Variants in ATP2C2 observed in about 807,000 individuals in gnomAD.
ATP2C2 encodes the protein ATPase secretory pathway Ca2+ transporting 2.
Under a neutral mutation model 110.8 loss-of-function variants are expected in ATP2C2, and 171 were observed. The observed-to-expected ratio is 1.54, with a 90% CI of 1.36 to 1.75. ATP2C2 has a LOEUF of 1.75. ATP2C2 is among the 40% of genes most tolerant of loss of function. The pLI, the probability that ATP2C2 is intolerant of heterozygous loss-of-function variation, is 0.00. For synonymous variants in ATP2C2, 804 were observed against 508.4 expected (o/e 1.58, Z -7.82); for missense variants, 1,963 against 1,235.0 (o/e 1.59, Z -8.84).
At chr16:84,406,144 C>G (rs1254427875) in intron 3 of ATP2C2, among the ~76,000 whole-genome samples, 1 of 152,218 alleles carries the variant, frequency 6.6e-6, no homozygotes, top group East Asian at 1.9e-4. Context: ...CACCCAGAGC[C>G]CCTTCCCTTG....
chr16:84,370,952 G>C (rs532049261), intron 1 of ATP2C2, among the ~76,000 whole-genome samples: 1 of 152,290 alleles, frequency 6.6e-6, no homozygotes, highest in African/African-American at 2.4e-5. Flanking sequence ...CTCCTAGTGG[G>C]GCCACGTTTG....
chr16:84,400,370 A>G (rs9927653), intron 2 of ATP2C2, among the ~76,000 whole-genome samples: 61,062 of 147,250 alleles, frequency 0.41, 12,837 homozygotes, highest in East Asian at 0.48. Context: ...TCTGTCACCC[A>G]AGCTGGAGTG....
At chr16:84,378,536 T>G (rs970765573) in intron 1 of ATP2C2, among the ~76,000 whole-genome samples, 1 of 152,140 alleles carries the variant, frequency 6.6e-6, no homozygotes, top group Non-Finnish European at 1.5e-5. Flanking sequence ...CCTCCCTCAG[T>G]GAATGTTAGT....
chr16:84,411,024 G>T, intron 6 of ATP2C2: 2 of 536,434 alleles, frequency 3.7e-6, no homozygotes, highest in Non-Finnish European at 6.7e-6. Flanking sequence ...ACAGGTAGCA[G>T]GAGTGACTCT....
At chr16:84,398,646 A>G (rs1433267212) in intron 2 of ATP2C2, 37 bp downstream of exon 2, 5 of 1,519,190 alleles carry the variant, frequency 3.3e-6, no homozygotes, top group Non-Finnish European at 3.6e-6. Flanking sequence ...TAATTGTGAT[A>G]AGGTTTTATG....
At chr16:84,428,999 A>G (rs74038224) in intron 11 of ATP2C2, among the ~76,000 whole-genome samples, 56,400 of 151,660 alleles carry the variant, frequency 0.37, 10,583 homozygotes, top group South Asian at 0.4. Flanking sequence ...GGTTTGTTTT[A>G]CTAATGGCCC....
chr16:84,407,205 C>T (rs1259087643), intron 3 of ATP2C2: 1 of 152,216 alleles, frequency 6.6e-6, no homozygotes, highest in African/African-American at 2.4e-5. Context: ...AACTCATCAC[C>T]TCACAAGGCA....
chr16:84,420,605 C>T (rs1199453617), intron 7 of ATP2C2, among the ~76,000 whole-genome samples: 1 of 151,950 alleles, frequency 6.6e-6, no homozygotes, highest in Non-Finnish European at 1.5e-5. Context: ...TACTTGGGTA[C>T]ATCGGTCACA....
chr16:84,443,470 A>T (rs1227369158), intron 15 of ATP2C2, among the ~76,000 whole-genome samples: 1 of 152,172 alleles, frequency 6.6e-6, no homozygotes, highest in East Asian at 1.9e-4. Flanking sequence ...AGCCCGACTC[A>T]GGGTGCTCAT....
chr16:84,435,888 G>C (rs1908694870), intron 11 of ATP2C2, among the ~76,000 whole-genome samples: 1 of 152,038 alleles, frequency 6.6e-6, no homozygotes, highest in South Asian at 2.1e-4. Context: ...CACCACTTTG[G>C]GAGGCCGAGG....
chr16:84,374,945 A>G (rs970969778), intron 1 of ATP2C2, among the ~76,000 whole-genome samples: 2 of 152,206 alleles, frequency 1.3e-5, no homozygotes, highest in Non-Finnish European at 2.9e-5. Context: ...AATCATATAG[A>G]GTATTTAGAT....
chr16:84,397,786 G>C (rs1021575088), intron 1 of ATP2C2, among the ~76,000 whole-genome samples: 1 of 151,548 alleles, frequency 6.6e-6, no homozygotes, highest in African/African-American at 2.4e-5. Flanking sequence ...GGAATACTAA[G>C]CTGCTGTGAA....
At chr16:84,463,552 T>C in intron 26 of ATP2C2, 62 bp from the exon 27 acceptor site, 1 of 1,447,564 alleles carries the variant, frequency 6.9e-7, no homozygotes, top group African/African-American at 1.4e-5. Flanking sequence ...GGGAAGGCGC[T>C]TCCTGCCGGC....
At chr16:84,399,156 G>A (rs943010419) in intron 2 of ATP2C2, among the ~76,000 whole-genome samples, 14 of 152,318 alleles carry the variant, frequency 9.2e-5, no homozygotes, top group African/African-American at 3.4e-4. Context: ...GTGTGCACAC[G>A]TGCGTGCACG....
Position 84,451,996 on chromosome 16 carries a change from G to A in ATP2C2, c.1736G>A (p.Arg579Lys), listed in dbSNP as rs1443510994. 1 of 1,614,046 alleles carries A rather than the reference G, an allele frequency of 6.2e-7. No homozygotes were observed. ...CTTGTGGGCATCATTGACCCCCCGA[G>A]AGTTGGCGTGAAGGAAGCAGTCCAG... is the stretch of plus-strand genomic sequence containing the variant. ...LGLVGIIDPP[R>K]VGVKEAVQVL... The change falls in exon 18 of 27, where the codon AGA becomes AAA. Residue 579 changes from arginine (R) to lysine (K), a missense_variant. Physicochemically the swap from Arg to Lys is conservative, Grantham distance 26. Coordinates refer to ENST00000262429, the MANE Select transcript of ATP2C2 (RefSeq NM_014861.4).
At chr16:84,412,510 G>A (rs1597789929) in intron 6 of ATP2C2, among the ~76,000 whole-genome samples, 2 of 65,430 alleles carry the variant, frequency 3.1e-5, no homozygotes, top group Non-Finnish European at 6.3e-5. Context: ...ATATGTGTCT[G>A]TGTGTGTCTG....
Position 84,453,218 on chromosome 16 carries a change from G to A in ATP2C2, c.1912G>A (p.Ala638Thr), listed in dbSNP as rs748590965. 2 of 1,613,884 alleles carry A rather than the reference G, an allele frequency of 1.2e-6. No individual in the cohort carries two copies. Among genetic ancestry groups the A allele is most frequent in the East Asian group, 4.5e-5 (2 of 44,882 alleles). Residue 638 changes from alanine to threonine, a missense_variant, in exon 19 of 27, where the codon GCC (alanine) becomes ACC (threonine). Physicochemically the swap from Ala to Thr is moderately conservative, Grantham distance 58. Coordinates refer to ENST00000262429, the MANE Select transcript of ATP2C2 (RefSeq NM_014861.4). ...GGACAGCGTGGAGAAGGGCGAGCTG[G>A]CCGACCGCGTGGGGAAGGTGGGTCC... ...EVDSVEKGEL[A>T]DRVGKVSVFF... is the part of the protein sequence containing the mutation.
At chr16:84,403,668 A>G (rs994864423) in intron 2 of ATP2C2, among the ~76,000 whole-genome samples, 1 of 151,888 alleles carries the variant, frequency 6.6e-6, no homozygotes, top group East Asian at 1.9e-4. Flanking sequence ...TTGCACAACC[A>G]TCGCCATTCT....
In ATP2C2 at chr16:84,462,298, C is replaced by A. The variant is rs191742147; in HGVS notation, c.2722+169C>A. ...CTGTCCTCACAGGAAGGGACTCTAA[C>A]GTGGGTGATGTGACGGATGCACAGA... On this transcript the variant is annotated intron_variant, in intron 26 of 26. Coordinates refer to ENST00000262429, the MANE Select transcript of ATP2C2 (RefSeq NM_014861.4). The A allele has an allele frequency of 5.3e-4, 446 of 848,154 alleles. 2 individuals are homozygous for A. In the African/African-American group the frequency reaches 7.1e-3, roughly 14 times the overall value. The allele number at this position is 848,154 out of a possible 1,614,324, so 52.5% of individuals were successfully genotyped here. A position where few individuals can be genotyped will look rare whatever the true frequency, so the allele number is the denominator to read the frequency against.
Sources: gnomAD v4.1 joint callset for allele counts (sites outside exome capture counted in the v4.1 genomes callset) on GRCh38, gnomAD v4.1.1 for gene constraint, MANE v1.5 for transcripts, NCBI Gene and HGNC (gene_info 2026-07-23, HGNC 2026-07-21) for gene names.